IQCM: variants seen among roughly 807,000 people sequenced by gnomAD.
IQCM encodes IQ motif containing M.
IQCM carries 45 observed loss-of-function variants against 57.6 expected under a neutral mutation model. The observed-to-expected ratio is 0.78, with a 90% CI of 0.62 to 1.00. The LOEUF (loss-of-function observed/expected upper bound fraction) is 1.00. IQCM is among the 50% of genes least tolerant of loss of function. IQCM has a pLI of 0.00. For synonymous variants in IQCM, 148 were observed against 158.9 expected, an observed-to-expected ratio of 0.93 and a Z score of 0.51; for missense variants, 468 against 511.6, an observed-to-expected ratio of 0.91 and a Z score of 0.82.
At chr4:149,601,121 CTT>C (rs1397063854) in intron 8 of IQCM, among the ~76,000 whole-genome samples, 11 of 152,142 alleles carry the variant, frequency 7.2e-5, no homozygotes, top group Non-Finnish European at 1.5e-4. Flanking sequence ...TATGGAGAAT[CTT>C]TTAAAACAGT....
At chr4:149,719,109 C>A (rs993626070) in intron 5 of IQCM, among the ~76,000 whole-genome samples, 1 of 152,030 alleles carries the variant, frequency 6.6e-6, no homozygotes, top group African/African-American at 2.4e-5. Flanking sequence ...CTTTGGGAGG[C>A]CGAGGTGGGC....
rs866261252 is a variant in IQCM at position 149,435,792 on chromosome 4, A to G, written c.1229-2235T>C. Among the ~76,000 whole-genome samples the G allele has an allele frequency of 5.0e-5, 7 of 139,514 alleles. No individual in the cohort carries two copies. The South Asian group carries it at 1.5e-3, about 29-fold the overall frequency. The allele number at this position is 139,514 out of a possible 152,430, so 91.5% of individuals were successfully genotyped here. ...GTGTGTTTATTTGTAATAAGAAGCT[A>G]AAAAAAAACAAAAAATATAAACAAA... On this transcript the variant is annotated intron_variant, in intron 12 of 13. Transcript: ENST00000636793.
At chr4:149,591,628 G>T (rs1445541056) in intron 8 of IQCM, among the ~76,000 whole-genome samples, 1 of 151,978 alleles carries the variant, frequency 6.6e-6, no homozygotes, top group Non-Finnish European at 1.5e-5. Context: ...ACAGGCCCCG[G>T]TGTGTGATGT....
intron 12 of IQCM, among the ~76,000 whole-genome samples, chr4:149,459,380 G>T (rs1267612253): frequency 1.3e-5 from 2 of 152,184 alleles, no homozygotes; most frequent in Admixed American, 1.3e-4. Context: ...CAGTGAAGAA[G>T]TAATTGCAAA....
At chr4:149,432,408 T>G (rs1734955280) in intron 13 of IQCM, among the ~76,000 whole-genome samples, 1 of 152,020 alleles carries the variant, frequency 6.6e-6, no homozygotes, top group Non-Finnish European at 1.5e-5. Flanking sequence ...AAAATAGTCT[T>G]TTCAACAAAT....
In IQCM at chr4:149,586,895, T is replaced by G. The variant is rs1049061529; in HGVS notation, c.749+1035A>C. Among the ~76,000 whole-genome samples, 12 of 151,744 alleles carry G rather than the reference T, an allele frequency of 7.9e-5. No homozygotes were observed. In the South Asian group the frequency reaches 8.3e-4, roughly 10 times the overall value. On this transcript the variant is annotated intron_variant, in intron 9 of 13. Coordinates refer to ENST00000636793, the MANE Select transcript of IQCM (RefSeq NM_001363507.2). Reference sequence around the variant, plus strand: ...TCCATAGAAAGAGAAAAATCTTTTTTTCTTTCTATGTAAACAGATGAAGCA... The same window carrying G: ...TCCATAGAAAGAGAAAAATCTTTTTGTCTTTCTATGTAAACAGATGAAGCA...
intron 7 of IQCM, among the ~76,000 whole-genome samples, chr4:149,674,744 T>C (rs1761603953): frequency 6.6e-6 from 1 of 152,112 alleles, no homozygotes; most frequent in African/African-American, 2.4e-5. Context: ...AATTAAGCAG[T>C]TGAACATGAG....
chr4:149,564,377 G>T (rs1283584584), intron 9 of IQCM, among the ~76,000 whole-genome samples: 1 of 152,214 alleles, frequency 6.6e-6, no homozygotes, highest in Non-Finnish European at 1.5e-5. Flanking sequence ...AGGATCAGCA[G>T]ATGGGAAAGG....
At chr4:149,382,849 A>G (rs1024267169) in intron 13 of IQCM, among the ~76,000 whole-genome samples, 2 of 152,142 alleles carry the variant, frequency 1.3e-5, no homozygotes, top group Non-Finnish European at 2.9e-5. Flanking sequence ...TGAGGCTCTG[A>G]TACATCAGTT....
intron 12 of IQCM, among the ~76,000 whole-genome samples, chr4:149,497,325 C>T (rs1233214761): frequency 6.6e-6 from 1 of 152,092 alleles, no homozygotes; most frequent in African/African-American, 2.4e-5. Flanking sequence ...TCCATTTCCT[C>T]TCCAGAAGGC....
chr4:149,684,352 G>A (rs980202356), intron 6 of IQCM, among the ~76,000 whole-genome samples: 2 of 151,232 alleles, frequency 1.3e-5, no homozygotes, highest in African/African-American at 2.4e-5. Flanking sequence ...TTTGCTCAAG[G>A]AAATTTCTTT....
Position 149,621,178 on chromosome 4 carries a change from C to G in IQCM, c.632G>C (p.Arg211Pro). The G allele has an allele frequency of 8.1e-7, 1 of 1,231,750 alleles. No homozygotes were observed. The highest frequency in any genetic ancestry group is 1.0e-6 in the Non-Finnish European group (1 of 987,668). 76.3% of individuals were successfully genotyped at this position (1,231,750 alleles called of 1,614,324 possible). A position where few individuals can be genotyped will look rare whatever the true frequency, so the allele number is the denominator to read the frequency against. The change falls in exon 8 of 14, where the codon CGT becomes CCT. Residue 211 changes from arginine to proline, a missense_variant. Arg to Pro is a moderately radical substitution (Grantham distance 103). Transcript: ENST00000636793. ...TGATGATTGAGAGAAACTAACTCGA[C>G]GGGAGTCACAAGCCAAACGGAAAGA... The part of the protein sequence containing the change: ...TRSFRLACDS[R>P]RVSFSQSSSI...
chr4:149,657,279 G>C (rs987571741), intron 7 of IQCM, among the ~76,000 whole-genome samples: 8 of 151,984 alleles, frequency 5.3e-5, no homozygotes, highest in African/African-American at 1.7e-4. Context: ...TTGTCTTTTT[G>C]GGTCTGGCTT....
chr4:149,567,549 T>A (rs371158809), intron 9 of IQCM, among the ~76,000 whole-genome samples: 11 of 152,190 alleles, frequency 7.2e-5, no homozygotes, highest in African/African-American at 2.6e-4. Context: ...GGTTTTGCTA[T>A]GCTGGCCAGG....
At chr4:149,514,560 A>T (rs1023806695) in intron 12 of IQCM, 8 of 152,344 alleles carry the variant, frequency 5.3e-5, no homozygotes, top group African/African-American at 1.9e-4. Flanking sequence ...ATAAACATTT[A>T]GTTAGCTCAT....
intron 2 of IQCM, among the ~76,000 whole-genome samples, chr4:149,813,837 A>C (rs1002852111): frequency 3.3e-5 from 5 of 152,042 alleles, no homozygotes; most frequent in African/African-American, 1.2e-4. Context: ...AGGTGCCAAA[A>C]TTATTATTCC....
At chr4:149,512,671 T>C (rs1160730323) in intron 12 of IQCM, among the ~76,000 whole-genome samples, 2 of 152,200 alleles carry the variant, frequency 1.3e-5, no homozygotes, top group Non-Finnish European at 2.9e-5. Context: ...ATATTACTGC[T>C]GACTGGGTGA....
intron 12 of IQCM, among the ~76,000 whole-genome samples, chr4:149,502,931 T>TA (rs1013642612): frequency 2.0e-5 from 3 of 147,584 alleles, no homozygotes; most frequent in South Asian, 2.1e-4. Context: ...AAAATTTGAT[T>TA]AAAAAAAAAA....
At chr4:149,452,526 C>G (rs925680548) in intron 12 of IQCM, among the ~76,000 whole-genome samples, 3 of 151,106 alleles carry the variant, frequency 2.0e-5, no homozygotes, top group Non-Finnish European at 4.4e-5. Context: ...CAGAAATAGA[C>G]CCAGATATAT....
Sources: allele counts gnomAD v4.1 joint callset (sites outside exome capture counted in the v4.1 genomes callset), GRCh38; gene constraint gnomAD v4.1.1; transcripts MANE v1.5; gene names NCBI Gene and HGNC (gene_info 2026-07-23, HGNC 2026-07-21).